LMO7: variants seen among roughly 807,000 people sequenced by gnomAD.
LMO7 encodes the protein LIM domain 7.
In LMO7, 120 loss-of-function variants were observed where a neutral mutation model predicts 206.5. The ratio of observed to expected loss-of-function variants is 0.58; its 90% confidence interval spans 0.50 to 0.68. LMO7 has a LOEUF of 0.68. Among genes scored for constraint, LMO7 ranks in the 30% least tolerant of loss-of-function variants. LMO7 has a pLI of 0.00. For synonymous variants in LMO7, 706 were observed against 681.5 expected (o/e 1.04, Z -0.56); for missense variants, 1,959 against 1,957.9 (o/e 1.00, Z -0.01).
chr13:75,804,444 C>T lies in LMO7; in HGVS notation c.817C>T (p.Pro273Ser), dbSNP rs940864665. The change falls in exon 8 of 31, where the codon CCA becomes TCA. Residue 273 changes from proline to serine, a missense_variant. By Grantham distance (74) the Pro-to-Ser change is moderately conservative. Transcript: ENST00000377534. ...CAAAAGTAGACAGCCATCCTATGTA[C>T]CAGCACCTCTGAGAAAGAAAAAGCC... ...PNKSRQPSYV[P>S]APLRKKKPDK... 2 of 1,614,000 alleles carry T rather than the reference C, an allele frequency of 1.2e-6. No individual in the cohort carries two copies. The highest frequency in any genetic ancestry group is 1.3e-5 in the African/African-American group (1 of 74,908).
Position 75,795,354 on chromosome 13 carries a change from T to C in LMO7, c.318-47T>C, listed in dbSNP as rs779027293. On this transcript the variant is annotated intron_variant, in intron 4 of 30. Transcript: ENST00000377534. ...GTTTTTTTCTAGCTATAATTAATAATTTAAGGTTCACGGATATTACCTAAT... is the reference window on the plus strand; with the variant it reads ...GTTTTTTTCTAGCTATAATTAATAACTTAAGGTTCACGGATATTACCTAAT... The C allele has an allele frequency of 1.1e-5, 14 of 1,290,286 alleles. No homozygotes were observed. The South Asian group carries it at 1.5e-4, about 14-fold the overall frequency. 79.9% of individuals were successfully genotyped at this position (1,290,286 alleles called of 1,614,324 possible). A position where few individuals can be genotyped will look rare whatever the true frequency, so the allele number is the denominator to read the frequency against.
chr13:75,829,196 A>C (rs1028017172), intron 15 of LMO7, among the ~76,000 whole-genome samples: 4 of 152,156 alleles, frequency 2.6e-5, no homozygotes, highest in Non-Finnish European at 4.4e-5. Flanking sequence ...AAAAAGAGGA[A>C]CATGCTAATG....
intron 1 of LMO7, among the ~76,000 whole-genome samples, chr13:75,712,564 G>C (rs1055664196): frequency 6.6e-6 from 1 of 152,030 alleles, no homozygotes; most frequent in African/African-American, 2.4e-5. Context: ...CCTTAAGTTG[G>C]GAATTGTCTG....
At chr13:75,726,024 G>C (rs1761803810) in intron 2 of LMO7, among the ~76,000 whole-genome samples, 2 of 150,596 alleles carry the variant, frequency 1.3e-5, no homozygotes, top group Admixed American at 6.6e-5. Context: ...GTGCTAAGGA[G>C]ACCAGTAAAT....
chr13:75,795,986 A>T (rs1405142357), intron 5 of LMO7, among the ~76,000 whole-genome samples: 1 of 152,232 alleles, frequency 6.6e-6, no homozygotes, highest in Non-Finnish European at 1.5e-5. Context: ...AATTAAATTT[A>T]AAAACATATT....
chr13:75,727,960 A>AT (rs1676083367), intron 3 of LMO7, among the ~76,000 whole-genome samples: 1 of 151,976 alleles, frequency 6.6e-6, no homozygotes. Flanking sequence ...TGAACGCATC[A>AT]TTTTTTATGG....
intron 4 of LMO7, among the ~76,000 whole-genome samples, chr13:75,792,869 G>A (rs1340064200): frequency 6.6e-6 from 1 of 152,168 alleles, no homozygotes; most frequent in Non-Finnish European, 1.5e-5. Context: ...GTGAGTAAAA[G>A]GTAATAATGC....
chr13:75,833,256 A>T (rs2138922405), intron 16 of LMO7, 91 bp downstream of exon 16: 1 of 771,418 alleles, frequency 1.3e-6, no homozygotes, highest in East Asian at 2.6e-5. Context: ...TGTATTTGAT[A>T]TAGGAGGAGA....
chr13:75,624,632 G>T (rs1402218866), intron 2 of LMO7, among the ~76,000 whole-genome samples: 1 of 152,188 alleles, frequency 6.6e-6, no homozygotes, highest in Non-Finnish European at 1.5e-5. Context: ...GGCTGGGGAG[G>T]CCTCACAATC....
intron 1 of LMO7, among the ~76,000 whole-genome samples, chr13:75,638,214 C>T (rs2036162016): frequency 6.6e-6 from 1 of 152,040 alleles, no homozygotes; most frequent in South Asian, 2.1e-4. Flanking sequence ...TTTGCATCTG[C>T]GTGCTTTGTA....
chr13:75,756,177 G>T (rs986226824), intron 3 of LMO7, among the ~76,000 whole-genome samples: 6 of 152,156 alleles, frequency 3.9e-5, no homozygotes, highest in Non-Finnish European at 7.3e-5. Context: ...GCACCTTAAG[G>T]ATATTGTCCT....
chr13:75,691,613 A>T (rs1178398508), intron 1 of LMO7, among the ~76,000 whole-genome samples: 1 of 149,698 alleles, frequency 6.7e-6, no homozygotes, highest in Non-Finnish European at 1.5e-5. Context: ...GGGCTTTGAA[A>T]CCCAGTCCTC....
chr13:75,801,894 A>G (rs2140944544), intron 7 of LMO7, among the ~76,000 whole-genome samples: 1 of 152,304 alleles, frequency 6.6e-6, no homozygotes, highest in East Asian at 1.9e-4. Context: ...ACACACATGT[A>G]TTCGCTGCCT....
chr13:75,705,395 T>C (rs2042581425), intron 1 of LMO7, among the ~76,000 whole-genome samples: 1 of 152,310 alleles, frequency 6.6e-6, no homozygotes, highest in African/African-American at 2.4e-5. Context: ...TCTCTCCTGA[T>C]GTGTATCTCT....
rs2057632450 is a variant in LMO7 at position 75,822,016 on chromosome 13, C to T, written c.2640+407C>T. 1.3e-5 allele frequency among the ~76,000 whole-genome samples: 2 copies of T among 152,034 alleles called. 1 individual carries two copies. Among genetic ancestry groups the T allele is most frequent in the Non-Finnish European group, 2.9e-5 (2 of 68,014 alleles). ...CTAGAGATTTTCAGGTGCTTATGTA[C>T]ACATTTCTGCTTTTTTCAGATTTCT... On this transcript the variant is annotated intron_variant, in intron 14 of 30. Transcript: ENST00000377534.
intron 19 of LMO7, 117 bp from the exon 20 acceptor site, chr13:75,838,023 T>G (rs970857455): frequency 1.6e-6 from 1 of 642,906 alleles, no homozygotes; most frequent in Non-Finnish European, 2.7e-6. Context: ...GCTATCAGTT[T>G]TGTGATCTTT....
intron 4 of LMO7, among the ~76,000 whole-genome samples, chr13:75,762,098 C>T (rs895329485): frequency 6.6e-6 from 1 of 152,150 alleles, no homozygotes; most frequent in Non-Finnish European, 1.5e-5. Context: ...ACTTAGTCTT[C>T]CAAAGTCTAA....
intron 1 of LMO7, among the ~76,000 whole-genome samples, chr13:75,692,722 A>G (rs2041593905): frequency 6.6e-6 from 1 of 152,038 alleles, no homozygotes; most frequent in Admixed American, 6.6e-5. Flanking sequence ...TAGCTCTTTT[A>G]GTTTGGAGCT....
At chr13:75,844,980 A>T (rs1595488974) in intron 25 of LMO7, among the ~76,000 whole-genome samples, 3 of 152,144 alleles carry the variant, frequency 2.0e-5, no homozygotes, top group Admixed American at 6.5e-5. Context: ...AGGTGATCTG[A>T]TGGCAGATGG....
Sources: allele counts gnomAD v4.1 joint callset (sites outside exome capture counted in the v4.1 genomes callset), GRCh38; gene constraint gnomAD v4.1.1; transcripts MANE v1.5; gene names NCBI Gene and HGNC (gene_info 2026-07-23, HGNC 2026-07-21).